KAT2B: variants seen among roughly 807,000 people sequenced by gnomAD.
KAT2B encodes histone acetyltransferase KAT2B.
KAT2B carries 36 observed loss-of-function variants against 105.9 expected under a neutral mutation model. That is an observed-to-expected ratio of 0.34 (90% CI 0.26 to 0.45). KAT2B has a LOEUF of 0.45. Among genes scored for constraint, KAT2B ranks in the 20% least tolerant of loss-of-function variants. The pLI is 1.00. For synonymous variants in KAT2B, 397 were observed against 377.9 expected, an observed-to-expected ratio of 1.05 and a Z score of -0.59; for missense variants, 820 against 1,021.6, an observed-to-expected ratio of 0.80 and a Z score of 2.69.
intron 17 of KAT2B, among the ~76,000 whole-genome samples, chr3:20,149,927 A>G (rs1699843030): frequency 6.6e-6 from 1 of 152,224 alleles, no homozygotes; most frequent in Admixed American, 6.5e-5. Flanking sequence ...GGAAACCCCC[A>G]TGGGAAGCTG....
chr3:20,083,049 C>T (rs1276673330), intron 2 of KAT2B, among the ~76,000 whole-genome samples: 1 of 152,116 alleles, frequency 6.6e-6, no homozygotes, highest in Non-Finnish European at 1.5e-5. Flanking sequence ...GGATGGTTCT[C>T]CACTGTAGGC....
rs374883579 is a variant in KAT2B, at chr3:20,130,210, G to A, written c.1749+2661G>A. Among the ~76,000 whole-genome samples, 5 of 152,194 alleles carry A rather than the reference G, an allele frequency of 3.3e-5. No individual in the cohort carries two copies. In the South Asian group the frequency reaches 1.0e-3, roughly 32 times the overall value. On this transcript the variant is annotated intron_variant, in intron 11 of 17. Coordinates refer to ENST00000263754, the MANE Select transcript of KAT2B (RefSeq NM_003884.5). ...AGCACAAGTGGAGCTTTTTGTCTTC[G>A]ACTCCTAGCACTAAGCATCAAAGGG...
At chr3:20,144,036 A>G (rs1699739152) in intron 13 of KAT2B, among the ~76,000 whole-genome samples, 1 of 152,080 alleles carries the variant, frequency 6.6e-6, no homozygotes, top group Non-Finnish European at 1.5e-5. Context: ...AATAAATTAA[A>G]AAAGATCTCT....
At chr3:20,047,280 C>T (rs1240346294) in intron 1 of KAT2B, among the ~76,000 whole-genome samples, 1 of 152,114 alleles carries the variant, frequency 6.6e-6, no homozygotes, top group East Asian at 1.9e-4. Context: ...CCATGTTTAA[C>T]AGGCTGGTCT....
At chr3:20,061,989 A>ATATATTATATATGAAACATAATATATATT (rs1248635159) in intron 1 of KAT2B, among the ~76,000 whole-genome samples, 2 of 57,554 alleles carry the variant, frequency 3.5e-5, no homozygotes, top group Non-Finnish European at 5.8e-5. Flanking sequence ...TAAAACATAT[A>ATATATTATATATGAAACATAATATATATT]ATATATAAAA....
intron 7 of KAT2B, among the ~76,000 whole-genome samples, chr3:20,119,211 C>CA (rs1301961692): frequency 3.3e-5 from 5 of 151,348 alleles, no homozygotes; most frequent in African/African-American, 1.2e-4. Flanking sequence ...AAATTATACT[C>CA]ACAGGTTTTA....
intron 17 of KAT2B, among the ~76,000 whole-genome samples, chr3:20,149,499 A>AAAAAAAAAAAAAAAAAAAAAAAAAAAAC: frequency 7.2e-6 from 1 of 139,070 alleles, no homozygotes; most frequent in Non-Finnish European, 1.6e-5. Context: ...GTATCTCAAA[A>AAAAAAAAAAAAAAAAAAAAAAAAAAAAC]AAAAAAAAAA....
chr3:20,048,832 T>G (rs925791927), intron 1 of KAT2B, among the ~76,000 whole-genome samples: 4 of 152,288 alleles, frequency 2.6e-5, no homozygotes, highest in Admixed American at 2.6e-4. Context: ...AGGGGAATCC[T>G]TGCTTCTTTC....
chr3:20,040,622 T>C lies in KAT2B; in HGVS notation c.145T>C (p.Ser49Pro). ...CCCCTGCGCCGCTGCCGCCGGGGGCTCGGGCGCCTGCGGTCCGGCGACGGC... is the reference window on the plus strand; with the variant it reads ...CCCCTGCGCCGCTGCCGCCGGGGGCCCGGGCGCCTGCGGTCCGGCGACGGC... ...GSPCAAAAGG[S>P]GACGPATAVA... Residue 49 changes from serine to proline, a missense_variant, in exon 1 of 18, where the codon TCG (serine) becomes CCG (proline). Ser to Pro is a moderately conservative substitution (Grantham distance 74). This residue lies in a region of KAT2B where 190 missense variants were observed against 176.7 expected (regional missense o/e 1.08). Coordinates refer to ENST00000263754, the MANE Select transcript of KAT2B (RefSeq NM_003884.5). The C allele has an allele frequency of 7.6e-7, 1 of 1,318,356 alleles. No homozygotes were observed. The highest frequency in any genetic ancestry group is 9.7e-7 in the Non-Finnish European group (1 of 1,028,724). 81.7% of individuals were successfully genotyped at this position (1,318,356 alleles called of 1,614,324 possible).
At chr3:20,133,103 A>G (rs964608159) in intron 11 of KAT2B, among the ~76,000 whole-genome samples, 2 of 152,144 alleles carry the variant, frequency 1.3e-5, no homozygotes, top group African/African-American at 2.4e-5. Context: ...CAAAAATCCC[A>G]TTTCCCCTTC....
chr3:20,136,042 T>A (rs1360823240), intron 11 of KAT2B, among the ~76,000 whole-genome samples: 1 of 152,142 alleles, frequency 6.6e-6, no homozygotes, highest in Admixed American at 6.5e-5. Flanking sequence ...TCATATGGAT[T>A]AGGGGGTTAG....
chr3:20,080,976 T>C (rs1698508838), intron 2 of KAT2B, among the ~76,000 whole-genome samples: 1 of 152,212 alleles, frequency 6.6e-6, no homozygotes. Context: ...ACTGGACTGC[T>C]CTCATCTAAT....
intron 11 of KAT2B, among the ~76,000 whole-genome samples, chr3:20,132,076 A>G (rs1036033803): frequency 1.3e-5 from 2 of 152,148 alleles, no homozygotes; most frequent in Admixed American, 1.3e-4. Context: ...AATATCCTGT[A>G]ATCTAAAAAC....
chr3:20,073,284 G>A (rs1404719845), intron 2 of KAT2B, among the ~76,000 whole-genome samples: 3 of 152,150 alleles, frequency 2.0e-5, no homozygotes, highest in Non-Finnish European at 4.4e-5. Context: ...GTCCGTGACT[G>A]CAAGGACATA....
intron 7 of KAT2B, 115 bp downstream of exon 7, chr3:20,115,103 G>T (rs1699183039): frequency 1.5e-6 from 1 of 647,758 alleles, no homozygotes; most frequent in Non-Finnish European, 2.7e-6. Flanking sequence ...TAGCTCTATA[G>T]TCAAATGCTG....
In KAT2B at chr3:20,111,470, T is replaced by C. The variant is rs140018503; in HGVS notation, c.852-126T>C. On this transcript the variant is annotated intron_variant, in intron 5 of 17. Transcript: ENST00000263754. ...GTTTCACTAGCTGGCAGGGATATTG[T>C]TGCTTGTTATTGCAGGCCTAGTTTT... 174 of 687,484 alleles carry C rather than the reference T, an allele frequency of 2.5e-4. 3 individuals carry two copies. In the African/African-American group the frequency reaches 2.9e-3, roughly 12 times the overall value. The allele number at this position is 687,484 out of a possible 1,614,324, so 42.6% of individuals were successfully genotyped here.
In KAT2B at chr3:20,153,719, T is replaced by G. The variant is rs748670741; in HGVS notation, c.*1194T>G. ...CATTCCCAACTCTGGGAAAACCAAC[T>G]AATATACAACCATATAAATGAAGGC... On this transcript the variant is annotated 3_prime_UTR_variant, in exon 18 of 18. Coordinates refer to ENST00000263754, the MANE Select transcript of KAT2B (RefSeq NM_003884.5). 1.3e-5 allele frequency: 2 copies of G among 152,596 alleles called. No individual in the cohort carries two copies. Among genetic ancestry groups the G allele is most frequent in the African/African-American group, 2.4e-5 (1 of 41,452 alleles). The allele number at this position is 152,596 out of a possible 1,614,324, so 9.5% of individuals were successfully genotyped here.
At chr3:20,052,323 A>G (rs59725039) in intron 1 of KAT2B, among the ~76,000 whole-genome samples, 10,037 of 152,298 alleles carry the variant, frequency 0.066, 561 homozygotes, top group South Asian at 0.31. Flanking sequence ...TTATGACAAT[A>G]GAAGCTCCAT....
chr3:20,072,593 T>C (rs1575116957), intron 2 of KAT2B, 134 bp downstream of exon 2: 1 of 808,238 alleles, frequency 1.2e-6, no homozygotes, highest in Non-Finnish European at 2.0e-6. Flanking sequence ...AGAGCCTCTC[T>C]AGTCTCACGA....
Sources: gnomAD v4.1 joint callset for allele counts (sites outside exome capture counted in the v4.1 genomes callset) on GRCh38, gnomAD v4.1.1 for gene constraint, gnomAD v4.1.1 regional missense constraint, MANE v1.5 for transcripts, NCBI Gene and HGNC (gene_info 2026-07-23, HGNC 2026-07-21) for gene names.